DOK5: variants seen among roughly 807,000 people sequenced by gnomAD.
DOK5 encodes the protein docking protein 5.
DOK5 carries 27 observed loss-of-function variants against 43.3 expected under a neutral mutation model. The observed-to-expected ratio is 0.62, with a 90% CI of 0.46 to 0.86. The LOEUF is 0.86. Among genes scored for constraint, DOK5 ranks in the 40% least tolerant of loss-of-function variants. The pLI is 0.00. For synonymous variants in DOK5, 146 were observed against 140.1 expected, an observed-to-expected ratio of 1.04 and a Z score of -0.30; for missense variants, 373 against 392.9, an observed-to-expected ratio of 0.95 and a Z score of 0.43.
chr20:54,617,223 G>A (rs1360037111), intron 6 of DOK5, among the ~76,000 whole-genome samples: 1 of 152,204 alleles, frequency 6.6e-6, no homozygotes, highest in African/African-American at 2.4e-5. Context: ...GACCTTGCCA[G>A]CACAGCCACA....
chr20:54,555,784 TG>T (rs1361701295), intron 2 of DOK5, among the ~76,000 whole-genome samples: 1 of 152,228 alleles, frequency 6.6e-6, no homozygotes, highest in Non-Finnish European at 1.5e-5. Context: ...CTTATTTTTA[TG>T]ATAGAACATT....
chr20:54,584,089 A>C (rs1160506521), intron 2 of DOK5, among the ~76,000 whole-genome samples: 1 of 152,074 alleles, frequency 6.6e-6, no homozygotes, highest in African/African-American at 2.4e-5. Flanking sequence ...GGCAGAGGTT[A>C]GCTGAGATCA....
intron 6 of DOK5, among the ~76,000 whole-genome samples, chr20:54,615,304 G>A (rs558390140): frequency 1.3e-5 from 2 of 152,248 alleles, no homozygotes; most frequent in South Asian, 2.1e-4. Context: ...CCCCAAATAC[G>A]CCCGCATTCT....
chr20:54,545,482 C>T (rs1029629358), intron 1 of DOK5, among the ~76,000 whole-genome samples: 1 of 152,116 alleles, frequency 6.6e-6, no homozygotes, highest in Admixed American at 6.5e-5. Context: ...ACTGTCCAGG[C>T]CAGCAGGGAG....
chr20:54,627,790 A>G (rs1336653720), intron 6 of DOK5, among the ~76,000 whole-genome samples: 1 of 152,206 alleles, frequency 6.6e-6, no homozygotes, highest in Non-Finnish European at 1.5e-5. Flanking sequence ...TCTGATAAGT[A>G]CTCAGGCGAT....
chr20:54,540,605 C>T (rs769736679), intron 1 of DOK5, among the ~76,000 whole-genome samples: 1 of 152,118 alleles, frequency 6.6e-6, no homozygotes, highest in Non-Finnish European at 1.5e-5. Context: ...GCCTCAACCT[C>T]CTGGGATCAA....
At chr20:54,544,162 G>C (rs373814632) in intron 1 of DOK5, among the ~76,000 whole-genome samples, 52 of 152,178 alleles carry the variant, frequency 3.4e-4, no homozygotes, top group African/African-American at 1.2e-3. Context: ...TTTCTTTACA[G>C]TAAATTTAAA....
intron 6 of DOK5, among the ~76,000 whole-genome samples, chr20:54,642,116 C>T (rs944599993): frequency 5.9e-5 from 9 of 152,116 alleles, no homozygotes; most frequent in Admixed American, 6.5e-5. Flanking sequence ...TTCTTGCATG[C>T]GTTGACCCCG....
chr20:54,643,366 G>C, intron 6 of DOK5, 92 bp from the exon 7 acceptor site: 1 of 1,525,618 alleles, frequency 6.6e-7, no homozygotes, highest in Non-Finnish European at 8.9e-7. Flanking sequence ...CCAGCTCTGT[G>C]GTTCTTTTAC....
chr20:54,591,100 A>C (rs1001319773), intron 4 of DOK5, among the ~76,000 whole-genome samples: 2 of 152,248 alleles, frequency 1.3e-5, no homozygotes, highest in Non-Finnish European at 2.9e-5. Context: ...AGTTAAGTGC[A>C]TAGTATTACT....
chr20:54,479,480 TACA>T (rs1363507271), intron 1 of DOK5, among the ~76,000 whole-genome samples: 2 of 152,222 alleles, frequency 1.3e-5, no homozygotes, highest in African/African-American at 2.4e-5. Context: ...AGGCAATTTG[TACA>T]ACATTAACCT....
At chr20:54,617,086 A>G (rs6098120) in intron 6 of DOK5, among the ~76,000 whole-genome samples, 70,760 of 151,946 alleles carry the variant, frequency 0.47, 21,507 homozygotes, top group African/African-American at 0.85. Context: ...CACTGCGCCC[A>G]GCCAAGGATC....
In DOK5 at chr20:54,475,761, C is replaced by T. The variant is rs1981392794; in HGVS notation, c.-186C>T. On this transcript the variant is annotated 5_prime_UTR_variant, in exon 1 of 8. Coordinates refer to ENST00000262593, the MANE Select transcript of DOK5 (RefSeq NM_018431.5). This position sits in a 1 kb window ranked among gnomAD's most constrained non-coding sequence, Gnocchi z 4.2. ...AAAGTGGCTGCAAGCCGGCCGCCCACTGTCAGGGTTGGGGGGACAGAGAAA... is the reference window on the plus strand; with the variant it reads ...AAAGTGGCTGCAAGCCGGCCGCCCATTGTCAGGGTTGGGGGGACAGAGAAA... 9 of 719,334 alleles carry T rather than the reference C, an allele frequency of 1.3e-5. No individual in the cohort carries two copies. The South Asian group carries it at 1.7e-4, about 14-fold the overall frequency. The allele number at this position is 719,334 out of a possible 1,614,324, so 44.6% of individuals were successfully genotyped here. A position where few individuals can be genotyped will look rare whatever the true frequency, so the allele number is the denominator to read the frequency against.
chr20:54,578,076 A>G (rs1048057664), intron 2 of DOK5, among the ~76,000 whole-genome samples: 2 of 152,168 alleles, frequency 1.3e-5, no homozygotes, highest in African/African-American at 4.8e-5. Flanking sequence ...GCCAAACTTT[A>G]TCTTTACTGA....
At chr20:54,557,832 C>T (rs1397037169) in intron 2 of DOK5, among the ~76,000 whole-genome samples, 1 of 152,186 alleles carries the variant, frequency 6.6e-6, no homozygotes, top group African/African-American at 2.4e-5. Context: ...TTCCACATCC[C>T]TCTTATTGCT....
At chr20:54,583,411 G>T (rs1023291045) in intron 2 of DOK5, among the ~76,000 whole-genome samples, 2 of 152,070 alleles carry the variant, frequency 1.3e-5, no homozygotes, top group Admixed American at 6.6e-5. Flanking sequence ...CTTCAGTGTT[G>T]TTCAAGCACT....
intron 2 of DOK5, among the ~76,000 whole-genome samples, chr20:54,557,043 A>T (rs1165071570): frequency 2.0e-5 from 3 of 152,198 alleles, no homozygotes; most frequent in Non-Finnish European, 4.4e-5. Flanking sequence ...CTGTATGCTC[A>T]AAATGTATGG....
At chr20:54,490,589 C>T (rs1982126361) in intron 1 of DOK5, among the ~76,000 whole-genome samples, 1 of 152,010 alleles carries the variant, frequency 6.6e-6, no homozygotes, top group Non-Finnish European at 1.5e-5. Context: ...TCCTTTCTCT[C>T]TTATTTTTAT....
chr20:54,503,357 T>C (rs766964503), intron 1 of DOK5, among the ~76,000 whole-genome samples: 3 of 152,160 alleles, frequency 2.0e-5, no homozygotes, highest in Non-Finnish European at 4.4e-5. Flanking sequence ...ATTGGAAAAG[T>C]AGTATAATCA....
Sources: gnomAD v4.1 joint callset for allele counts (sites outside exome capture counted in the v4.1 genomes callset) on GRCh38, gnomAD v4.1.1 for gene constraint, Gnocchi (gnomAD v3.1) non-coding constraint, MANE v1.5 for transcripts, NCBI Gene and HGNC (gene_info 2026-07-23, HGNC 2026-07-21) for gene names.